Variants in PTPN4 observed in about 807,000 individuals in gnomAD.
PTPN4 encodes the protein tyrosine-protein phosphatase non-receptor type 4.
In PTPN4, 49 loss-of-function variants were observed where a neutral mutation model predicts 135.5. The observed-to-expected ratio is 0.36, with a 90% CI of 0.29 to 0.46. PTPN4 has a LOEUF of 0.46. PTPN4 is among the 20% of genes least tolerant of loss of function. The probability of loss-of-function intolerance (pLI) is 1.00; values close to 1 mark genes in which losing one functional copy is unlikely to be tolerated. For missense variants in PTPN4, 860 were observed against 1,101.0 expected, an observed-to-expected ratio of 0.78 and a Z score of 3.10; for synonymous variants, 333 against 369.9, an observed-to-expected ratio of 0.90 and a Z score of 1.14.
rs1265217569 is a variant in PTPN4 at position 119,980,327 on chromosome 2, G to A, written c.*3257G>A. ...AGGAAAATGATTATTTTAACTTCTG[G>A]GTTATCATCTGCTGGCAGGGTCTGA... On this transcript the variant is annotated 3_prime_UTR_variant, in exon 27 of 27. Transcript: ENST00000263708. The A allele has an allele frequency of 6.6e-6, 1 of 152,004 alleles. No individual in the cohort carries two copies. The highest frequency in any genetic ancestry group is 1.9e-4 in the East Asian group (1 of 5,188). The allele number at this position is 152,004 out of a possible 1,614,324, so 9.4% of individuals were successfully genotyped here.
chr2:119,844,539 G>A (rs1677453456), intron 2 of PTPN4, among the ~76,000 whole-genome samples: 1 of 148,508 alleles, frequency 6.7e-6, no homozygotes, highest in Non-Finnish European at 1.5e-5. Flanking sequence ...TCTCAGACGG[G>A]GCGGCCGGGC....
intron 9 of PTPN4, among the ~76,000 whole-genome samples, chr2:119,888,417 T>C (rs894007885): frequency 6.6e-6 from 1 of 152,164 alleles, no homozygotes; most frequent in Non-Finnish European, 1.5e-5. Context: ...CATCCTTGTC[T>C]TTTTCCAGTT....
rs1196473645 is a variant in PTPN4 at position 119,955,263 on chromosome 2, G to A, written c.1920G>A (p.Arg640=). 1 of 1,613,494 alleles carries A rather than the reference G, an allele frequency of 6.2e-7. No individual in the cohort carries two copies. Among genetic ancestry groups the A allele is most frequent in the Non-Finnish European group, 8.5e-7 (1 of 1,179,802 alleles). The part of the protein sequence containing the change: ...DSVHQDDHSL[R]ESMIQLAEGL... ...TGCATCAGGATGACCATTCCCTGCG[G>A]GAGTCAATGATCCAGCTAGCTGAGG... is the stretch of plus-strand genomic sequence containing the variant. The change falls in exon 20 of 27, where the codon CGG becomes CGA. Residue 640 remains arginine, a synonymous_variant. Coordinates refer to ENST00000263708, the MANE Select transcript of PTPN4 (RefSeq NM_002830.4).
At chr2:119,823,480 G>C (rs540234503) in intron 2 of PTPN4, among the ~76,000 whole-genome samples, 2 of 152,060 alleles carry the variant, frequency 1.3e-5, no homozygotes, top group South Asian at 4.1e-4. Flanking sequence ...TGATCCACCC[G>C]CCTCGGCCTC....
chr2:119,768,085 A>G (rs1690667039), intron 1 of PTPN4, among the ~76,000 whole-genome samples: 1 of 152,078 alleles, frequency 6.6e-6, no homozygotes, highest in South Asian at 2.1e-4. Flanking sequence ...TTCTCCATAC[A>G]TTTATTTATT....
intron 1 of PTPN4, among the ~76,000 whole-genome samples, chr2:119,764,220 A>G (rs1213562213): frequency 2.0e-5 from 3 of 152,194 alleles, no homozygotes; most frequent in African/African-American, 7.2e-5. Flanking sequence ...TTCGGCAAAA[A>G]CATTGTGTAA....
At chr2:119,813,388 C>G (rs144185585) in intron 2 of PTPN4, among the ~76,000 whole-genome samples, 1,719 of 152,180 alleles carry the variant, frequency 0.011, 17 homozygotes, top group Non-Finnish European at 0.018. Context: ...GCTGGGATTA[C>G]AGGCATGTGC....
intron 1 of PTPN4, among the ~76,000 whole-genome samples, chr2:119,782,361 A>G (rs898280552): frequency 2.0e-5 from 3 of 152,072 alleles, no homozygotes; most frequent in Non-Finnish European, 2.9e-5. Flanking sequence ...AGAGGTTGCA[A>G]CGAGCCGAGG....
chr2:119,825,569 C>G (rs1221272505), intron 2 of PTPN4, among the ~76,000 whole-genome samples: 1 of 149,376 alleles, frequency 6.7e-6, no homozygotes, highest in Non-Finnish European at 1.5e-5. Flanking sequence ...GATCTCTGCT[C>G]ACTACAACCT....
Position 119,978,613 on chromosome 2 carries a change from T to C in PTPN4, c.*1543T>C, listed in dbSNP as rs998744971. The C allele has an allele frequency of 1.3e-5, 2 of 152,144 alleles. No homozygotes were observed. The highest frequency in any genetic ancestry group is 2.9e-5 in the Non-Finnish European group (2 of 67,978). The allele number at this position is 152,144 out of a possible 1,614,324, so 9.4% of individuals were successfully genotyped here. A position where few individuals can be genotyped will look rare whatever the true frequency, so the allele number is the denominator to read the frequency against. Reference sequence around the variant, plus strand: ...TTTAAGTCTACAGAGAGATAGAACCTTAACATTGCCCAGTTTGATAAAAGT... The same window carrying C: ...TTTAAGTCTACAGAGAGATAGAACCCTAACATTGCCCAGTTTGATAAAAGT... On this transcript the variant is annotated 3_prime_UTR_variant, in exon 27 of 27. Transcript: ENST00000263708.
In PTPN4 at chr2:119,955,733, C is replaced by A. The variant is rs191470496; in HGVS notation, c.1980+410C>A. Among the ~76,000 whole-genome samples the A allele has an allele frequency of 1.3e-3, 205 of 152,062 alleles. 7 individuals carry two copies. The East Asian group carries it at 0.036, about 27-fold the overall frequency. ...CGGGCGGATCACAAGGTCAGGAGAT[C>A]AAGACAATCCTGGCCAACACGGTGA... On this transcript the variant is annotated intron_variant, in intron 20 of 26. Coordinates refer to ENST00000263708, the MANE Select transcript of PTPN4 (RefSeq NM_002830.4).
intron 2 of PTPN4, among the ~76,000 whole-genome samples, chr2:119,817,617 C>G (rs1222140142): frequency 6.6e-6 from 1 of 152,038 alleles, no homozygotes; most frequent in Non-Finnish European, 1.5e-5. Context: ...CAGATTTGTT[C>G]TTTTTGCTTA....
chr2:119,858,851 A>ATCTTGATC (rs1441576784), intron 2 of PTPN4, among the ~76,000 whole-genome samples: 2 of 151,808 alleles, frequency 1.3e-5, no homozygotes, highest in East Asian at 3.9e-4. Context: ...AGCCAGGATG[A>ATCTTGATC]TCTTGATCTC....
intron 15 of PTPN4, among the ~76,000 whole-genome samples, chr2:119,944,514 G>C (rs1679105823): frequency 6.6e-6 from 1 of 152,090 alleles, no homozygotes; most frequent in Non-Finnish European, 1.5e-5. Context: ...ATGTTAATTG[G>C]ATTTTGTTTT....
intron 2 of PTPN4, among the ~76,000 whole-genome samples, chr2:119,852,177 T>C (rs1281180590): frequency 2.0e-5 from 3 of 152,192 alleles, no homozygotes; most frequent in Non-Finnish European, 4.4e-5. Context: ...TGGTCATAAG[T>C]TGTAAATCAA....
At position 119,834,058 on chromosome 2, in the gene PTPN4, A is replaced by G. The variant is rs563079597; in HGVS notation, c.138+24067A>G. 1.2e-4 allele frequency among the ~76,000 whole-genome samples: 18 copies of G among 152,274 alleles called. No homozygotes were observed. The South Asian group carries it at 1.2e-3, about 11-fold the overall frequency. ...TCTGATTGATATATAATACTTGTAC[A>G]TATTTATGGGTACATATGATACAGG... On this transcript the variant is annotated intron_variant, in intron 2 of 26. Coordinates refer to ENST00000263708, the MANE Select transcript of PTPN4 (RefSeq NM_002830.4).
chr2:119,913,050 G>A (rs1678597047), intron 10 of PTPN4, among the ~76,000 whole-genome samples: 2 of 152,000 alleles, frequency 1.3e-5, no homozygotes, highest in African/African-American at 2.4e-5. Flanking sequence ...ATTGTAGTAT[G>A]TATCAGTTTT....
At chr2:119,911,524 CA>C in intron 10 of PTPN4, among the ~76,000 whole-genome samples, 1 of 152,138 alleles carries the variant, frequency 6.6e-6, no homozygotes, top group East Asian at 1.9e-4. Flanking sequence ...AGGGCATCTA[CA>C]AAAAATCTGC....
At chr2:119,849,090 A>G (rs111605516) in intron 2 of PTPN4, among the ~76,000 whole-genome samples, 3,539 of 152,166 alleles carry the variant, frequency 0.023, 129 homozygotes, top group African/African-American at 0.077. Context: ...TGTATCTGAG[A>G]TATTGTCATC....
Sources: allele counts gnomAD v4.1 joint callset (sites outside exome capture counted in the v4.1 genomes callset), GRCh38; gene constraint gnomAD v4.1.1; transcripts MANE v1.5; gene names NCBI Gene and HGNC (gene_info 2026-07-23, HGNC 2026-07-21).